Variants in IFT70A observed in about 807,000 individuals in gnomAD.
IFT70A encodes intraflagellar transport protein 70A.
At chr2:177,616,914 GT>G in the IFT70A span, 1 of 1,597,180 alleles carries the variant, frequency 6.3e-7, no homozygotes. Context: ...GTTTTGACAT[GT>G]TTTCTAACAA....
chr2:177,614,536 T>C, the IFT70A span: 2 of 152,208 alleles, frequency 1.3e-5, no homozygotes, highest in South Asian at 2.1e-4. Context: ...TCACTTTTTA[T>C]CAATATATGT....
chr2:177,617,134 T>C, the IFT70A span: 1 of 1,608,250 alleles, frequency 6.2e-7, no homozygotes, highest in Non-Finnish European at 8.5e-7. Context: ...CTTTTCAATC[T>C]TCCTCATCAA....
At chr2:177,614,966 G>A in the IFT70A span, 7 of 152,198 alleles carry the variant, frequency 4.6e-5, no homozygotes, top group Admixed American at 3.9e-4. Context: ...ACAAGAATAT[G>A]AGGACTGATG....
chr2:177,617,263 C>T, the IFT70A span: 1 of 1,576,980 alleles, frequency 6.3e-7, no homozygotes, highest in Non-Finnish European at 8.6e-7. Flanking sequence ...TTCATAGAAA[C>T]CAATGGCTTC....
the IFT70A span, chr2:177,618,630 A>C: frequency 6.2e-7 from 1 of 1,610,072 alleles, no homozygotes; most frequent in African/African-American, 1.3e-5. Context: ...CGTAGCGGGC[A>C]TCGCGGATGA....
chr2:177,613,691 C>T, the IFT70A span: 1 of 152,162 alleles, frequency 6.6e-6, no homozygotes, highest in Non-Finnish European at 1.5e-5. Flanking sequence ...AAGCATTTGA[C>T]TCTCCTAATG....
the IFT70A span, chr2:177,613,095 G>C: frequency 6.6e-6 from 1 of 152,110 alleles, no homozygotes; most frequent in African/African-American, 2.4e-5. Flanking sequence ...CAGAAAAATA[G>C]TCTCCTCAGT....
chr2:177,618,664 T>A, the IFT70A span: 1 of 1,599,218 alleles, frequency 6.3e-7, no homozygotes, highest in East Asian at 2.2e-5. Context: ...CGCGGTAAAC[T>A]CCCCGTCGGG....
At chr2:177,616,419 T>C in the IFT70A span, 5 of 250,928 alleles carry the variant, frequency 2.0e-5, no homozygotes, top group East Asian at 2.4e-4. Context: ...GTCAACTCTA[T>C]CTGGGGTTAC....
At chr2:177,618,297 C>G in the IFT70A span, 2 of 1,614,192 alleles carry the variant, frequency 1.2e-6, no homozygotes, top group Non-Finnish European at 1.7e-6. Flanking sequence ...GCTGCTCCAC[C>G]AGGCTCCTGG....
the IFT70A span, chr2:177,614,898 T>C: frequency 6.6e-6 from 1 of 152,192 alleles, no homozygotes. Flanking sequence ...GCCTTCCTAT[T>C]CTATGTGGCT....
chr2:177,613,056 C>A, the IFT70A span: 1 of 152,180 alleles, frequency 6.6e-6, no homozygotes, highest in Non-Finnish European at 1.5e-5. Flanking sequence ...TTTTACCAAT[C>A]ATTTCATTAT....
chr2:177,617,882 G>A, the IFT70A span: 1 of 1,614,232 alleles, frequency 6.2e-7, no homozygotes, highest in South Asian at 1.1e-5. Context: ...ATGTCGGTGA[G>A]GGTTTCTTGA....
At chr2:177,616,456 C>G in the IFT70A span, 4 of 329,290 alleles carry the variant, frequency 1.2e-5, no homozygotes, top group African/African-American at 2.1e-5. Context: ...GTTACTCTAG[C>G]AATTGTTGCT....
chr2:177,616,820 C>T, the IFT70A span: 58 of 1,601,522 alleles, frequency 3.6e-5, no homozygotes, highest in East Asian at 1.3e-3. Flanking sequence ...TCAATAACAG[C>T]AGGTATGTTT....
At chr2:177,617,101 T>C in the IFT70A span, 11 of 1,612,254 alleles carry the variant, frequency 6.8e-6, no homozygotes, top group African/African-American at 5.4e-5. Flanking sequence ...ATTTGGGTCA[T>C]CATAAGAGAG....
chr2:177,617,179 T>C, the IFT70A span: 8 of 1,609,490 alleles, frequency 5.0e-6, no homozygotes, highest in East Asian at 2.2e-5. Flanking sequence ...TGTCATAATA[T>C]AGGAAACACA....
the IFT70A span, chr2:177,617,483 C>T: frequency 6.2e-7 from 1 of 1,614,136 alleles, no homozygotes; most frequent in Non-Finnish European, 8.5e-7. Flanking sequence ...TTGATAGCTT[C>T]ATCATCTCTG....
At chr2:177,617,792 C>T in the IFT70A span, 14 of 1,614,022 alleles carry the variant, frequency 8.7e-6, no homozygotes, top group South Asian at 1.2e-4. Context: ...TCAAACCCTT[C>T]TGTAGGCCTG....
Sources: gnomAD v4.1 joint callset for allele counts on GRCh38, gnomAD v4.1.1 for gene constraint, MANE v1.5 for transcripts, NCBI Gene and HGNC (gene_info 2026-07-23, HGNC 2026-07-21) for gene names.